DNAJC1: variants seen among roughly 807,000 people sequenced by gnomAD.
The protein encoded by DNAJC1 is dnaJ homolog subfamily C member 1.
Under a neutral mutation model 76.6 loss-of-function variants are expected in DNAJC1, and 58 were observed. The observed-to-expected ratio is 0.76, with a 90% CI of 0.61 to 0.94. The LOEUF is 0.94. Ranked by LOEUF, DNAJC1 falls within the 40% of genes least tolerant of loss-of-function variation. The pLI, the probability that DNAJC1 is intolerant of heterozygous loss-of-function variation, is 0.00. For missense variants in DNAJC1, 689 were observed against 677.3 expected (o/e 1.02, Z -0.19); for synonymous variants, 258 against 267.9 (o/e 0.96, Z 0.36).
intron 6 of DNAJC1, among the ~76,000 whole-genome samples, 175 bp from the exon 7 acceptor site, chr10:21,904,787 A>G (rs976698329): frequency 6.6e-6 from 1 of 152,108 alleles, no homozygotes; most frequent in Admixed American, 6.6e-5. Context: ...TCTCTCCTGG[A>G]GAGCCAGTTA....
chr10:21,951,709 G>A (rs1180245348), intron 1 of DNAJC1, among the ~76,000 whole-genome samples: 4 of 152,008 alleles, frequency 2.6e-5, no homozygotes. Flanking sequence ...ACTACTACAA[G>A]GTAACCACTA....
intron 3 of DNAJC1, 145 bp downstream of exon 3, chr10:21,928,361 A>C: frequency 1.5e-6 from 1 of 686,886 alleles, no homozygotes; most frequent in Non-Finnish European, 2.4e-6. Flanking sequence ...TGCTTCAAAC[A>C]CACATTTTTA....
At chr10:21,927,789 TAGG>T (rs1056546993) in intron 3 of DNAJC1, among the ~76,000 whole-genome samples, 25 of 152,166 alleles carry the variant, frequency 1.6e-4, no homozygotes, top group Admixed American at 3.9e-4. Context: ...ATACATTCTG[TAGG>T]AGTAGAGGAA....
At chr10:21,898,647 G>A (rs938274600) in intron 7 of DNAJC1, among the ~76,000 whole-genome samples, 4 of 151,474 alleles carry the variant, frequency 2.6e-5, no homozygotes, top group Non-Finnish European at 2.9e-5. Flanking sequence ...CCACCTCCTG[G>A]GTTCAAGCAA....
chr10:21,815,824 C>A (rs1166424572), intron 8 of DNAJC1, among the ~76,000 whole-genome samples: 1 of 151,710 alleles, frequency 6.6e-6, no homozygotes, highest in African/African-American at 2.4e-5. Context: ...TGGCGCACTA[C>A]AACCTCTGCC....
At chr10:21,829,505 T>C (rs1835321021) in intron 8 of DNAJC1, among the ~76,000 whole-genome samples, 1 of 152,072 alleles carries the variant, frequency 6.6e-6, no homozygotes, top group African/African-American at 2.4e-5. Context: ...CATGAGCCAA[T>C]GCGCCCAGCA....
chr10:21,818,336 C>T (rs1219131848), intron 8 of DNAJC1, among the ~76,000 whole-genome samples: 7 of 152,114 alleles, frequency 4.6e-5, no homozygotes, highest in African/African-American at 1.7e-4. Flanking sequence ...TTGGTCAGAC[C>T]AGTTGTCTGC....
At chr10:21,907,310 G>GT (rs559876011) in intron 6 of DNAJC1, among the ~76,000 whole-genome samples, 1,524 of 140,838 alleles carry the variant, frequency 0.011, 24 homozygotes, top group Middle Eastern at 0.036. Flanking sequence ...CATTCCTCAT[G>GT]TTTTTTTTTT....
intron 8 of DNAJC1, among the ~76,000 whole-genome samples, chr10:21,849,321 T>TAAAAAAAAAAAAAAAAAAAAA (rs1283566162): frequency 4.7e-5 from 3 of 63,348 alleles, no homozygotes. Flanking sequence ...AAAAAAAAAG[T>TAAAAAAAAAAAAAAAAAAAAA]AAATGCCTAC....
At position 21,882,421 on chromosome 10, in the gene DNAJC1, T is replaced by G; in HGVS notation, c.839A>C (p.Lys280Thr). Residue 280 changes from lysine to threonine, a missense_variant, in exon 8 of 12, where the codon AAA (lysine) becomes ACA (threonine). Lys to Thr is a moderately conservative substitution (Grantham distance 78, BLOSUM62 -1). Coordinates refer to ENST00000376980, the MANE Select transcript of DNAJC1 (RefSeq NM_022365.4). ...ETLQKQKKVK[K>T]PKPEFPVYTP... Reference sequence around the variant, plus strand: ...GTATACAGGAAATTCAGGTTTTGGTTTTTTAACTTTCTTCTGTTCTAAAAA... The same window carrying G: ...GTATACAGGAAATTCAGGTTTTGGTGTTTTAACTTTCTTCTGTTCTAAAAA... The G allele has an allele frequency of 6.6e-7, 1 of 1,506,886 alleles. No individual in the cohort carries two copies. Among genetic ancestry groups the G allele is most frequent in the Non-Finnish European group, 8.8e-7 (1 of 1,131,850 alleles). 93.3% of individuals were successfully genotyped at this position (1,506,886 alleles called of 1,614,324 possible). A position where few individuals can be genotyped will look rare whatever the true frequency, so the allele number is the denominator to read the frequency against.
chr10:21,895,689 T>C (rs143964172), intron 7 of DNAJC1, among the ~76,000 whole-genome samples: 2,340 of 152,214 alleles, frequency 0.015, 36 homozygotes, highest in Middle Eastern at 0.031. Context: ...AGATTTAATA[T>C]GAATAGAAGG....
At chr10:21,813,185 T>C (rs1489751648) in intron 8 of DNAJC1, among the ~76,000 whole-genome samples, 7 of 24,000 alleles carry the variant, frequency 2.9e-4, no homozygotes, top group Non-Finnish European at 4.5e-4. Context: ...CCTCTCTCTC[T>C]CTCTCTCTCT....
chr10:21,774,073 G>A (rs1341057504), intron 9 of DNAJC1, among the ~76,000 whole-genome samples: 11 of 148,082 alleles, frequency 7.4e-5, no homozygotes, highest in South Asian at 6.4e-4. Context: ...CCCGGGAGGC[G>A]GAGCTTGCAG....
intron 8 of DNAJC1, among the ~76,000 whole-genome samples, chr10:21,881,857 A>C (rs1836284627): frequency 6.7e-6 from 1 of 150,256 alleles, no homozygotes; most frequent in Admixed American, 6.6e-5. Context: ...AAAAAAAAAA[A>C]AAAAAAAAAA....
At chr10:21,970,258 GTCCT>G (rs969399851) in intron 1 of DNAJC1, among the ~76,000 whole-genome samples, 5 of 151,980 alleles carry the variant, frequency 3.3e-5, no homozygotes, top group African/African-American at 4.8e-5. Flanking sequence ...AATTCTCTGT[GTCCT>G]TCCAAATTGT....
chr10:21,880,363 T>C (rs1348470821), intron 8 of DNAJC1, among the ~76,000 whole-genome samples: 1 of 152,224 alleles, frequency 6.6e-6, no homozygotes, highest in Non-Finnish European at 1.5e-5. Context: ...TCTAGAATAG[T>C]AAATCCTTCC....
At chr10:21,803,005 G>A (rs1834830559) in intron 9 of DNAJC1, among the ~76,000 whole-genome samples, 1 of 151,768 alleles carries the variant, frequency 6.6e-6, no homozygotes, top group Admixed American at 6.6e-5. Context: ...AAATATACTC[G>A]GTGTCAATTT....
chr10:21,945,633 GAGT>G (rs1037978668), intron 1 of DNAJC1, among the ~76,000 whole-genome samples: 1 of 152,120 alleles, frequency 6.6e-6, no homozygotes, highest in Non-Finnish European at 1.5e-5. Context: ...GAAAGTATTT[GAGT>G]ATAAATGTTA....
chr10:21,903,041 C>T (rs1564822249), intron 7 of DNAJC1, among the ~76,000 whole-genome samples: 1 of 152,102 alleles, frequency 6.6e-6, no homozygotes, highest in Non-Finnish European at 1.5e-5. Context: ...GATTCTCCTG[C>T]CTCAGCTCCC....
Sources: allele counts gnomAD v4.1 joint callset (sites outside exome capture counted in the v4.1 genomes callset), GRCh38; gene constraint gnomAD v4.1.1; transcripts MANE v1.5; gene names NCBI Gene and HGNC (gene_info 2026-07-23, HGNC 2026-07-21).